The following LRMDA variants were observed in gnomAD, a reference collection of about 807,000 sequenced individuals.
The protein encoded by LRMDA is leucine rich melanocyte differentiation associated.
In LRMDA, 18 loss-of-function variants were observed where a neutral mutation model predicts 29.8. The ratio of observed to expected loss-of-function variants is 0.60; its 90% CI spans 0.42 to 0.90. The LOEUF (loss-of-function observed/expected upper bound fraction) is 0.90, where lower values mean the gene tolerates loss of function less well. LRMDA is among the 40% of genes least tolerant of loss of function. LRMDA has a pLI of 0.00. For missense variants in LRMDA, 273 were observed against 273.9 expected, an observed-to-expected ratio of 1.00 and a Z score of 0.02; for synonymous variants, 125 against 109.4, an observed-to-expected ratio of 1.14 and a Z score of -0.89.
rs189015849 is a variant in LRMDA at position 76,255,674 on chromosome 10, C to T, written c.517-68727C>T. 2.0e-4 allele frequency among the ~76,000 whole-genome samples: 30 copies of T among 152,262 alleles called. No individual in the cohort carries two copies. The East Asian group carries it at 5.8e-3, about 29-fold the overall frequency. On this transcript the variant is annotated intron_variant, in intron 5 of 6. Transcript: ENST00000611255. The stretch of plus-strand genomic sequence containing the variant: ...AGTGGATGGGAATTGATAGTGCATA[C>T]AGTAGCTTTAAAGCAGCATGGAGCA...
intron 2 of LRMDA, among the ~76,000 whole-genome samples, chr10:75,675,557 G>T (rs1487217396): frequency 1.3e-5 from 2 of 152,162 alleles, no homozygotes; most frequent in Non-Finnish European, 2.9e-5. Flanking sequence ...AGGCAGCATG[G>T]GGTGATTATA....
intron 4 of LRMDA, among the ~76,000 whole-genome samples, chr10:76,049,869 C>T (rs879435264): frequency 3.9e-4 from 59 of 152,070 alleles, no homozygotes; most frequent in Non-Finnish European, 2.4e-4. Context: ...ATTTATGTGA[C>T]GTTTTCACTA....
At chr10:75,919,162 C>T (rs997743534) in intron 2 of LRMDA, among the ~76,000 whole-genome samples, 4 of 152,292 alleles carry the variant, frequency 2.6e-5, no homozygotes, top group Admixed American at 6.5e-5. Context: ...TGACCGGGGA[C>T]AAAGCCGGGA....
chr10:76,113,362 A>G (rs532671582), intron 5 of LRMDA, among the ~76,000 whole-genome samples: 1 of 150,420 alleles, frequency 6.6e-6, no homozygotes, highest in South Asian at 2.1e-4. Context: ...TATTAAAACG[A>G]CCTCTAGAGA....
rs57245101 is a variant in LRMDA, at chr10:76,379,161, TTGTGTGTGTGTGTG to T, written c.601+54704_601+54717del. Among the ~76,000 whole-genome samples, 101 of 137,932 alleles carry T rather than the reference TTGTGTGTGTGTGTG, an allele frequency of 7.3e-4. No individual in the cohort carries two copies. In the Middle Eastern group the frequency reaches 0.012, roughly 16 times the overall value. 90.5% of individuals were successfully genotyped at this position (137,932 alleles called of 152,430 possible). A position where few individuals can be genotyped will look rare whatever the true frequency, so the allele number is the denominator to read the frequency against. ...CGTGAGCCACTGTGCCTGGCCTTCT[TTGTGTGTGTGTGTG>T]TGTGTGTGTGTGTGTGTGTGTGTGT... On this transcript the variant is annotated intron_variant, in intron 6 of 6. Transcript: ENST00000611255.
At chr10:76,485,647 C>A (rs1183628325) in intron 6 of LRMDA, among the ~76,000 whole-genome samples, 1 of 151,814 alleles carries the variant, frequency 6.6e-6, no homozygotes, top group African/African-American at 2.4e-5. Context: ...TTGTCACTTT[C>A]TTTTTCCTTC....
chr10:76,014,128 A>ATATAAAAT (rs1847838646), intron 2 of LRMDA, among the ~76,000 whole-genome samples: 7 of 94,886 alleles, frequency 7.4e-5, no homozygotes, highest in Non-Finnish European at 1.4e-4. Flanking sequence ...ATATATAATT[A>ATATAAAAT]TATATATATA....
intron 2 of LRMDA, among the ~76,000 whole-genome samples, chr10:75,934,118 G>A (rs527502457): frequency 1.3e-5 from 2 of 152,262 alleles, no homozygotes; most frequent in South Asian, 4.2e-4. Flanking sequence ...AATGTGCATG[G>A]GTCCTGGGTA....
chr10:76,108,431 C>T (rs1222148296), intron 5 of LRMDA, among the ~76,000 whole-genome samples: 1 of 152,072 alleles, frequency 6.6e-6, no homozygotes. Flanking sequence ...AGAAAGCTAC[C>T]TGGGACATAA....
intron 2 of LRMDA, among the ~76,000 whole-genome samples, chr10:75,566,902 T>G (rs1463143272): frequency 6.6e-6 from 1 of 152,208 alleles, no homozygotes; most frequent in Non-Finnish European, 1.5e-5. Context: ...CCTCTGGCCT[T>G]CCTTTGTTTA....
At chr10:75,693,699 A>G (rs540336223) in intron 2 of LRMDA, among the ~76,000 whole-genome samples, 1 of 152,320 alleles carries the variant, frequency 6.6e-6, no homozygotes, top group South Asian at 2.1e-4. Flanking sequence ...AATGCGCCTT[A>G]TTCTCTTTGA....
At chr10:75,465,663 G>A (rs1844641054) in intron 2 of LRMDA, among the ~76,000 whole-genome samples, 1 of 152,154 alleles carries the variant, frequency 6.6e-6, no homozygotes, top group African/African-American at 2.4e-5. Context: ...TTGGCATCAC[G>A]TTGCAAAAAT....
intron 6 of LRMDA, among the ~76,000 whole-genome samples, chr10:76,473,627 A>C (rs1345564094): frequency 6.6e-6 from 1 of 151,612 alleles, no homozygotes; most frequent in Non-Finnish European, 1.5e-5. Flanking sequence ...CTAAAAAAAA[A>C]AAGAAAAAAG....
intron 2 of LRMDA, among the ~76,000 whole-genome samples, chr10:75,602,868 A>G (rs1043269709): frequency 2.0e-5 from 3 of 152,216 alleles, no homozygotes; most frequent in East Asian, 1.9e-4. Context: ...AAGCCAAGCA[A>G]TTTGTTGTGA....
intron 6 of LRMDA, among the ~76,000 whole-genome samples, chr10:76,393,428 AT>A (rs1466944959): frequency 6.6e-6 from 1 of 152,048 alleles, no homozygotes; most frequent in South Asian, 2.1e-4. Flanking sequence ...GGTGTTAAAC[AT>A]TTTTTATACA....
In LRMDA at chr10:75,718,599, A is replaced by G. The variant is rs77631801; in HGVS notation, c.131+280105A>G. Among the ~76,000 whole-genome samples the G allele has an allele frequency of 4.1e-3, 630 of 152,354 alleles. 6 individuals carry two copies. The highest frequency in any genetic ancestry group is 0.012 in the African/African-American group (504 of 41,568). On this transcript the variant is annotated intron_variant, in intron 2 of 6. Transcript: ENST00000611255. ...ACCATTATTTGTTTATTTAGTCAAC[A>G]TGTAATTTATGAAACACTTGTCATG... is the stretch of plus-strand genomic sequence containing the variant.
intron 2 of LRMDA, among the ~76,000 whole-genome samples, chr10:75,941,510 T>G (rs1352948359): frequency 6.6e-6 from 1 of 152,128 alleles, no homozygotes; most frequent in East Asian, 1.9e-4. Context: ...TGCCCAGGGG[T>G]TCTGTCACCG....
chr10:76,288,863 T>C (rs1024604140), intron 5 of LRMDA, among the ~76,000 whole-genome samples: 19 of 152,240 alleles, frequency 1.2e-4, no homozygotes, highest in African/African-American at 4.3e-4. Context: ...GAAAACATGA[T>C]GGAGGGCCAG....
intron 5 of LRMDA, among the ~76,000 whole-genome samples, chr10:76,099,064 A>G (rs982484801): frequency 3.3e-5 from 5 of 152,148 alleles, no homozygotes; most frequent in African/African-American, 1.2e-4. Context: ...CTGAGGAGCA[A>G]TTTTGGGAGG....
Sources: allele counts gnomAD v4.1 joint callset (sites outside exome capture counted in the v4.1 genomes callset), GRCh38; gene constraint gnomAD v4.1.1; transcripts MANE v1.5; gene names NCBI Gene and HGNC (gene_info 2026-07-23, HGNC 2026-07-21).